SYCP1: variants seen among roughly 807,000 people sequenced by gnomAD.
SYCP1 encodes cancer/testis antigen 8.
SYCP1 carries 64 observed loss-of-function variants against 153.1 expected under a neutral mutation model. That is an observed-to-expected ratio of 0.42 (90% CI 0.34 to 0.51). SYCP1 has a LOEUF of 0.51. Among genes scored for constraint, SYCP1 ranks in the 20% least tolerant of loss-of-function variants. The pLI is 0.06. For synonymous variants in SYCP1, 384 were observed against 341.8 expected (o/e 1.12, Z -1.36); for missense variants, 997 against 1,049.0 (o/e 0.95, Z 0.68).
At chr1:114,870,054 C>T (rs1665015130) in intron 8 of SYCP1, among the ~76,000 whole-genome samples, 1 of 152,204 alleles carries the variant, frequency 6.6e-6, no homozygotes, top group African/African-American at 2.4e-5. Context: ...TGGTCTGTTA[C>T]CCAGACTGCA....
intron 16 of SYCP1, among the ~76,000 whole-genome samples, chr1:114,905,976 T>G (rs1325275930): frequency 2.0e-5 from 3 of 152,146 alleles, no homozygotes; most frequent in Non-Finnish European, 4.4e-5. Context: ...TTTGTCTCTT[T>G]TTTTTTGGAG....
At chr1:114,940,887 T>C (rs556320443) in intron 23 of SYCP1, among the ~76,000 whole-genome samples, 21 of 152,326 alleles carry the variant, frequency 1.4e-4, no homozygotes, top group African/African-American at 4.8e-4. Flanking sequence ...TTAAAAACTT[T>C]ACACAATGAT....
intron 28 of SYCP1, among the ~76,000 whole-genome samples, chr1:114,981,108 C>T (rs1392415690): frequency 6.6e-6 from 1 of 151,878 alleles, no homozygotes; most frequent in African/African-American, 2.4e-5. Flanking sequence ...TTCATAGAGG[C>T]TCTGTGAAGA....
At chr1:114,950,233 G>A (rs754404985) in intron 27 of SYCP1, among the ~76,000 whole-genome samples, 17 of 152,144 alleles carry the variant, frequency 1.1e-4, no homozygotes, top group Non-Finnish European at 1.6e-4. Flanking sequence ...TGACGTAGAA[G>A]TTGCTTCTTC....
At chr1:114,962,996 C>A (rs1364389669) in intron 27 of SYCP1, among the ~76,000 whole-genome samples, 1 of 152,158 alleles carries the variant, frequency 6.6e-6, no homozygotes, top group Non-Finnish European at 1.5e-5. Flanking sequence ...AAAGATAAGA[C>A]CCCAGTCCCT....
intron 7 of SYCP1, among the ~76,000 whole-genome samples, 193 bp downstream of exon 7, chr1:114,860,003 A>G (rs1193130495): frequency 6.6e-6 from 1 of 152,196 alleles, no homozygotes; most frequent in Non-Finnish European, 1.5e-5. Flanking sequence ...GTCACTGACT[A>G]ATAACTTCAC....
intron 11 of SYCP1, 35 bp downstream of exon 11, chr1:114,876,845 A>T: frequency 8.3e-7 from 1 of 1,203,878 alleles, no homozygotes; most frequent in Non-Finnish European, 1.1e-6. Context: ...TATTCTTTAT[A>T]TTTGCTAATT....
chr1:114,937,286 A>C (rs1041767055), intron 23 of SYCP1, among the ~76,000 whole-genome samples: 5 of 152,132 alleles, frequency 3.3e-5, no homozygotes, highest in East Asian at 1.9e-4. Context: ...CAAAAACAAG[A>C]AATGGGGAAA....
chr1:114,951,530 A>G (rs985835953), intron 27 of SYCP1, among the ~76,000 whole-genome samples: 2 of 152,192 alleles, frequency 1.3e-5, no homozygotes, highest in African/African-American at 4.8e-5. Context: ...ACAGACTGAA[A>G]AACATTTTGA....
At chr1:114,929,780 G>A (rs360594) in intron 23 of SYCP1, among the ~76,000 whole-genome samples, 75,255 of 151,700 alleles carry the variant, frequency 0.5, 19,960 homozygotes, top group Middle Eastern at 0.62. Context: ...CCCCCTTTCA[G>A]CAACTGATAG....
chr1:114,886,044 A>T (rs1307779326), intron 13 of SYCP1, 81 bp from the exon 14 acceptor site: 1 of 878,138 alleles, frequency 1.1e-6, no homozygotes, highest in African/African-American at 1.7e-5. Context: ...GGGGCAGTGA[A>T]TGTATAGAAG....
At chr1:114,921,922 G>T (rs1483930875) in intron 20 of SYCP1, among the ~76,000 whole-genome samples, 1 of 152,046 alleles carries the variant, frequency 6.6e-6, no homozygotes, top group Non-Finnish European at 1.5e-5. Context: ...TACTATTCTA[G>T]GGTAAAAGTT....
intron 23 of SYCP1, among the ~76,000 whole-genome samples, chr1:114,943,773 C>T (rs553497877): frequency 6.6e-6 from 1 of 151,892 alleles, no homozygotes; most frequent in South Asian, 2.1e-4. Flanking sequence ...CTTCCCAATT[C>T]CTGTCCCTGC....
chr1:114,863,484 C>T (rs1055180323), intron 8 of SYCP1, among the ~76,000 whole-genome samples: 3 of 151,990 alleles, frequency 2.0e-5, no homozygotes, highest in South Asian at 2.1e-4. Context: ...ACCCGGGAGG[C>T]GGAGGTTGCA....
chr1:114,879,544 C>G (rs985690327), intron 12 of SYCP1, among the ~76,000 whole-genome samples: 2 of 152,050 alleles, frequency 1.3e-5, no homozygotes, highest in African/African-American at 4.8e-5. Context: ...CTGTTTGTCC[C>G]CTGTGACTAG....
chr1:114,970,556 C>A, intron 27 of SYCP1, among the ~76,000 whole-genome samples: 1 of 150,602 alleles, frequency 6.6e-6, no homozygotes, highest in African/African-American at 2.4e-5. Context: ...GAGGAAAGAT[C>A]TGGGACTCAA....
At chr1:114,920,056 T>C (rs1668766019) in intron 20 of SYCP1, among the ~76,000 whole-genome samples, 1 of 152,002 alleles carries the variant, frequency 6.6e-6, no homozygotes, top group South Asian at 2.1e-4. Context: ...CTCTTCTTTT[T>C]GTAGTTTTTT....
rs1375460843 is a variant in SYCP1 at position 114,963,846 on chromosome 1, G to A, written c.2323-13711G>A. ...CTGCAGCAAACATATGTGTGCATGT[G>A]TCTTTATAGTAGAATGATTTATAAT... On this transcript the variant is annotated intron_variant, in intron 27 of 31. Transcript: ENST00000369522. 2.0e-5 allele frequency among the ~76,000 whole-genome samples: 3 copies of A among 152,184 alleles called. No homozygotes were observed. In the East Asian group the frequency reaches 5.8e-4, roughly 29 times the overall value.
At chr1:114,988,018 G>A (rs1673639906) in intron 30 of SYCP1, among the ~76,000 whole-genome samples, 1 of 144,138 alleles carries the variant, frequency 6.9e-6, no homozygotes, top group Non-Finnish European at 1.5e-5. Context: ...ATTTGAGTAA[G>A]CAGAAAAAAG....
Sources: gnomAD v4.1 joint callset for allele counts (sites outside exome capture counted in the v4.1 genomes callset) on GRCh38, gnomAD v4.1.1 for gene constraint, MANE v1.5 for transcripts, NCBI Gene and HGNC (gene_info 2026-07-23, HGNC 2026-07-21) for gene names.